ANKS1B: variants seen among roughly 807,000 people sequenced by gnomAD.
The protein encoded by ANKS1B is ankyrin repeat and sterile alpha motif domain-containing protein 1B.
ANKS1B carries 36 observed loss-of-function variants against 148.3 expected under a neutral mutation model. That is an observed-to-expected ratio of 0.24 (90% CI 0.19 to 0.32). The LOEUF (loss-of-function observed/expected upper bound fraction) is 0.32. Among genes scored for constraint, ANKS1B ranks in the 10% least tolerant of loss-of-function variants. The pLI is 1.00. For missense variants in ANKS1B, 1,157 were observed against 1,542.6 expected (o/e 0.75, Z 4.19); for synonymous variants, 542 against 560.8 (o/e 0.97, Z 0.47).
chr12:98,900,532 G>A (rs1339194370), intron 17 of ANKS1B, among the ~76,000 whole-genome samples: 1 of 152,138 alleles, frequency 6.6e-6, no homozygotes, highest in African/African-American at 2.4e-5. Flanking sequence ...ACCTCAGGGA[G>A]GTAGTCTCAG....
At chr12:99,889,303 C>T (rs764008580) in intron 1 of ANKS1B, among the ~76,000 whole-genome samples, 1 of 152,118 alleles carries the variant, frequency 6.6e-6, no homozygotes, top group Non-Finnish European at 1.5e-5. Context: ...ACATAATTAT[C>T]CAAGATCTCC....
At chr12:99,627,866 T>C (rs1010171185) in intron 9 of ANKS1B, among the ~76,000 whole-genome samples, 2 of 152,118 alleles carry the variant, frequency 1.3e-5, no homozygotes, top group Admixed American at 6.6e-5. Context: ...AGGAAGGAAA[T>C]GGACCTTAAA....
At chr12:99,299,001 T>C (rs535234158) in intron 12 of ANKS1B, among the ~76,000 whole-genome samples, 41 of 152,192 alleles carry the variant, frequency 2.7e-4, no homozygotes, top group African/African-American at 9.9e-4. Flanking sequence ...CTGTCAGTTA[T>C]TATATTATTT....
intron 9 of ANKS1B, among the ~76,000 whole-genome samples, chr12:99,614,545 G>A (rs2097933363): frequency 6.8e-6 from 1 of 147,532 alleles, no homozygotes; most frequent in African/African-American, 2.5e-5. Flanking sequence ...GATTTTCCAT[G>A]TACTAACAGC....
intron 17 of ANKS1B, among the ~76,000 whole-genome samples, chr12:98,860,837 C>T (rs944036827): frequency 6.6e-6 from 1 of 152,080 alleles, no homozygotes; most frequent in African/African-American, 2.4e-5. Context: ...ACCTATGTAA[C>T]AAATCTGCAA....
At chr12:99,566,352 T>C (rs1159165978) in intron 9 of ANKS1B, among the ~76,000 whole-genome samples, 1 of 152,194 alleles carries the variant, frequency 6.6e-6, no homozygotes, top group Non-Finnish European at 1.5e-5. Context: ...GATGGCAGAA[T>C]GCACAATTTT....
chr12:99,170,867 G>A (rs1390050613), intron 14 of ANKS1B, among the ~76,000 whole-genome samples: 1 of 152,030 alleles, frequency 6.6e-6, no homozygotes, highest in East Asian at 1.9e-4. Flanking sequence ...GGCCAAGAGT[G>A]GCAAAGACAG....
Position 99,085,509 on chromosome 12 carries a change from G to A in ANKS1B, c.2527-486C>T, listed in dbSNP as rs147145557. ...CCCCCCTTGATGACAGATTTTGTGCGGAAGGCTGATAGAAAAATTGACATA... is the reference window on the plus strand; with the variant it reads ...CCCCCCTTGATGACAGATTTTGTGCAGAAGGCTGATAGAAAAATTGACATA... On this transcript the variant is annotated intron_variant, in intron 15 of 26. Coordinates refer to ENST00000683438, the MANE Select transcript of ANKS1B (RefSeq NM_001352186.2). 9.7e-4 allele frequency among the ~76,000 whole-genome samples: 148 copies of A among 152,108 alleles called. 1 individual carries two copies. The highest frequency in any genetic ancestry group is 2.7e-3 in the African/African-American group (111 of 41,492).
In ANKS1B at chr12:99,898,007, G is replaced by C. The variant is rs570493824; in HGVS notation, c.135-72618C>G. Among the ~76,000 whole-genome samples the C allele has an allele frequency of 2.3e-3, 320 of 140,956 alleles. 12 individuals are homozygous for C. Among genetic ancestry groups the C allele is most frequent in the Non-Finnish European group, 3.9e-3 (235 of 60,412 alleles). 92.5% of individuals were successfully genotyped at this position (140,956 alleles called of 152,430 possible). On this transcript the variant is annotated intron_variant, in intron 1 of 26. Coordinates refer to ENST00000683438, the MANE Select transcript of ANKS1B (RefSeq NM_001352186.2). Reference sequence around the variant, plus strand: ...TTTAGATAGAAGTACAATGATGGAAGGCATAATTTTTTCAGTGTACATGTG... The same window carrying C: ...TTTAGATAGAAGTACAATGATGGAACGCATAATTTTTTCAGTGTACATGTG...
intron 15 of ANKS1B, among the ~76,000 whole-genome samples, chr12:99,145,424 C>T (rs1373099384): frequency 6.6e-6 from 1 of 152,002 alleles, no homozygotes; most frequent in Non-Finnish European, 1.5e-5. Flanking sequence ...AGGTCAGTAG[C>T]GGAAGGCTCC....
At chr12:99,794,368 A>G (rs2065986751) in intron 4 of ANKS1B, among the ~76,000 whole-genome samples, 1 of 151,642 alleles carries the variant, frequency 6.6e-6, no homozygotes, top group Non-Finnish European at 1.5e-5. Context: ...GATATTTACA[A>G]TCTCATGTTT....
chr12:99,418,552 G>C (rs77196699), intron 11 of ANKS1B, among the ~76,000 whole-genome samples: 24,484 of 151,944 alleles, frequency 0.16, 2,268 homozygotes, highest in African/African-American at 0.26. Context: ...TTTTTAGCTT[G>C]CTTCGGATTT....
chr12:99,076,929 A>G (rs1473808896), intron 16 of ANKS1B, among the ~76,000 whole-genome samples: 1 of 152,186 alleles, frequency 6.6e-6, no homozygotes, highest in Non-Finnish European at 1.5e-5. Flanking sequence ...TAACCACAAT[A>G]TAGGACATAT....
intron 12 of ANKS1B, among the ~76,000 whole-genome samples, chr12:99,398,191 A>C (rs1320920585): frequency 6.6e-6 from 1 of 152,130 alleles, no homozygotes; most frequent in Non-Finnish European, 1.5e-5. Flanking sequence ...GAAAGTTTGG[A>C]TTATAACTTC....
intron 14 of ANKS1B, among the ~76,000 whole-genome samples, chr12:99,184,254 T>C (rs970680039): frequency 1.3e-5 from 2 of 152,204 alleles, no homozygotes; most frequent in Admixed American, 6.5e-5. Flanking sequence ...TCAAAAAATA[T>C]GTCAAGAGAC....
chr12:99,953,589 T>C (rs2095265117), intron 1 of ANKS1B, among the ~76,000 whole-genome samples: 1 of 142,720 alleles, frequency 7.0e-6, no homozygotes, highest in Non-Finnish European at 1.6e-5. Flanking sequence ...GTTTGTTGTT[T>C]AAGGAAAAAA....
intron 4 of ANKS1B, among the ~76,000 whole-genome samples, chr12:99,801,236 TC>T (rs1308090856): frequency 1.3e-5 from 2 of 152,108 alleles, no homozygotes; most frequent in African/African-American, 4.8e-5. Flanking sequence ...CCCTGCCTAG[TC>T]CCAGGAGGAA....
chr12:99,493,797 G>C (rs2096577250), intron 10 of ANKS1B, among the ~76,000 whole-genome samples: 1 of 152,176 alleles, frequency 6.6e-6, no homozygotes, highest in South Asian at 2.1e-4. Context: ...AAGTAAATAA[G>C]TAGATGATAT....
chr12:99,951,749 T>C (rs1045633061), intron 1 of ANKS1B, among the ~76,000 whole-genome samples: 34 of 151,482 alleles, frequency 2.2e-4, no homozygotes, highest in African/African-American at 7.7e-4. Context: ...CCAGGCACAA[T>C]GGCCCATGCC....
Sources: gnomAD v4.1 joint callset for allele counts (sites outside exome capture counted in the v4.1 genomes callset) on GRCh38, gnomAD v4.1.1 for gene constraint, MANE v1.5 for transcripts, NCBI Gene and HGNC (gene_info 2026-07-23, HGNC 2026-07-21) for gene names.